CUBN: variants seen among roughly 807,000 people sequenced by gnomAD.
CUBN encodes 460 kDa receptor.
A neutral mutation model predicts 405.3 loss-of-function variants in CUBN; 282 were observed. The ratio of observed to expected loss-of-function variants is 0.70; its 90% CI spans 0.63 to 0.77. The LOEUF is 0.77. CUBN is among the 30% of genes least tolerant of loss of function. The probability of loss-of-function intolerance (pLI) is 0.00; values close to 1 mark genes in which losing one functional copy is unlikely to be tolerated. For synonymous variants in CUBN, 1,684 were observed against 1,617.0 expected (o/e 1.04, Z -0.99); for missense variants, 4,514 against 4,475.2 (o/e 1.01, Z -0.25).
intron 31 of CUBN, among the ~76,000 whole-genome samples, chr10:16,969,328 T>C (rs1276135493): frequency 7.3e-5 from 11 of 151,604 alleles, no homozygotes; most frequent in Non-Finnish European, 1.6e-4. Context: ...GTGGGTTCTG[T>C]GAAAGAGGAT....
At chr10:16,985,427 C>G (rs1448368115) in intron 29 of CUBN, among the ~76,000 whole-genome samples, 1 of 152,194 alleles carries the variant, frequency 6.6e-6, no homozygotes, top group Non-Finnish European at 1.5e-5. Flanking sequence ...CCATCCATTC[C>G]AATGACAGCT....
intron 10 of CUBN, among the ~76,000 whole-genome samples, chr10:17,106,846 A>C (rs900102113): frequency 2.0e-5 from 3 of 152,216 alleles, no homozygotes; most frequent in African/African-American, 4.8e-5. Context: ...TGCCAGTTTT[A>C]AACAGGCTAA....
At chr10:16,877,279 C>T (rs1262280450) in intron 56 of CUBN, among the ~76,000 whole-genome samples, 182 bp from the exon 57 acceptor site, 1 of 152,176 alleles carries the variant, frequency 6.6e-6, no homozygotes, top group Non-Finnish European at 1.5e-5. Context: ...AAAACAAGCA[C>T]AGGTATGATA....
chr10:17,028,876 C>G (rs1163788775), intron 27 of CUBN, among the ~76,000 whole-genome samples: 11 of 152,146 alleles, frequency 7.2e-5, no homozygotes, highest in African/African-American at 2.4e-4. Context: ...ATATAGTTAA[C>G]TGAAACCCAC....
intron 55 of CUBN, 76 bp from the exon 56 acceptor site, chr10:16,888,642 T>TC: frequency 4.0e-6 from 5 of 1,261,828 alleles, no homozygotes; most frequent in Non-Finnish European, 4.6e-6. Flanking sequence ...GAAAGAGGCA[T>TC]TTTCCTAAAT....
intron 64 of CUBN, among the ~76,000 whole-genome samples, 183 bp downstream of exon 64, chr10:16,834,831 T>C (rs1839119771): frequency 6.6e-6 from 1 of 152,176 alleles, no homozygotes; most frequent in African/African-American, 2.4e-5. Context: ...GCCCTAAGGT[T>C]CCCAATTTCC....
At chr10:17,069,575 A>T (rs986334206) in intron 19 of CUBN, among the ~76,000 whole-genome samples, 28 of 152,022 alleles carry the variant, frequency 1.8e-4, no homozygotes, top group Admixed American at 3.3e-4. Flanking sequence ...ACAGGGTCTC[A>T]CTCTGTTACC....
chr10:17,081,366 C>T (rs1835962705), intron 17 of CUBN, among the ~76,000 whole-genome samples: 1 of 152,194 alleles, frequency 6.6e-6, no homozygotes, highest in Admixed American at 6.6e-5. Context: ...TTTCTTTTCT[C>T]TTCTCCACTC....
rs1371074647 is a variant in CUBN, at chr10:16,830,869, C to T, written c.10528+383G>A. ...CCAGCACTTTGGGAGGTTGGATCAC[C>T]TGAGTTCAGGAGTTTGAGACCAGCC... On this transcript the variant is annotated intron_variant, in intron 65 of 66. Coordinates refer to ENST00000377833, the MANE Select transcript of CUBN (RefSeq NM_001081.4). Among the ~76,000 whole-genome samples, 3 of 152,160 alleles carry T rather than the reference C, an allele frequency of 2.0e-5. No individual in the cohort carries two copies. In the East Asian group the frequency reaches 5.8e-4, roughly 29 times the overall value.
chr10:16,888,397 T>C lies in CUBN; in HGVS notation c.8905+20A>G. On this transcript the variant is annotated intron_variant, in intron 56 of 66. Coordinates refer to ENST00000377833, the MANE Select transcript of CUBN (RefSeq NM_001081.4). ...TTTGTTTGTCAATTAAACGTAATTTTTTTAAAAGAATAAACTTACCTTCTA... is the reference window on the plus strand; with the variant it reads ...TTTGTTTGTCAATTAAACGTAATTTCTTTAAAAGAATAAACTTACCTTCTA... The C allele has an allele frequency of 6.2e-7, 1 of 1,602,748 alleles. No individual in the cohort carries two copies. Among genetic ancestry groups the C allele is most frequent in the Non-Finnish European group, 8.5e-7 (1 of 1,170,434 alleles).
intron 15 of CUBN, among the ~76,000 whole-genome samples, chr10:17,087,143 T>C (rs1907366): frequency 0.87 from 132,044 of 152,006 alleles, 57,573 homozygotes; most frequent in Middle Eastern, 0.95. Context: ...TTGACTCTAT[T>C]CCTCTCTAAT....
At chr10:17,125,428 G>A (rs1313614146) in intron 4 of CUBN, among the ~76,000 whole-genome samples, 4 of 152,024 alleles carry the variant, frequency 2.6e-5, no homozygotes, top group Non-Finnish European at 5.9e-5. Flanking sequence ...CACACGTCTG[G>A]GGGTCTCTTT....
In CUBN at chr10:17,071,898, T is replaced by C. The variant is rs750619863; in HGVS notation, c.2375A>G (p.Asn792Ser). Residue 792 changes from asparagine (N) to serine (S), a missense_variant, in exon 18 of 67, where the codon AAT (asparagine) becomes AGT (serine). Physicochemically the swap from Asn to Ser is conservative, Grantham distance 46. Around this residue, in one of 5 missense-constraint regions of CUBN, gnomAD observed 1,448 missense variants for 1,388.0 expected, o/e 1.04. Transcript: ENST00000377833. Reference sequence around the variant, plus strand: ...TATTTTAAACCTGATCCAGACACTATTAGTAATGGATTTAATGTGAGAGAT... The same window carrying C: ...TATTTTAAACCTGATCCAGACACTACTAGTAATGGATTTAATGTGAGAGAT... Reference protein sequence around the residue: ...GTISHIKSITNSVWIRFKIDA... With the variant: ...GTISHIKSITSSVWIRFKIDA... The C allele has an allele frequency of 5.0e-6, 8 of 1,613,236 alleles. No homozygotes were observed. The highest frequency in any genetic ancestry group is 4.5e-5 in the East Asian group (2 of 44,828).
At position 17,088,190 on chromosome 10, in the gene CUBN, C is replaced by A; in HGVS notation, c.1921G>T (p.Asp641Tyr). 1 of 1,613,570 alleles carries A rather than the reference C, an allele frequency of 6.2e-7. No individual in the cohort carries two copies. Among genetic ancestry groups the A allele is most frequent in the South Asian group, 1.1e-5 (1 of 91,046 alleles). ...TCAAGGTAATCTTTGTTGCAGTCAT[C>A]ATGGTGCTCGAGGCTCAAGGTCCCA... is the stretch of plus-strand genomic sequence containing the variant. ...TFGTLSLEHH[D>Y]DCNKDYLEIR... Residue 641 changes from aspartate to tyrosine, a missense_variant, in exon 15 of 67, where the codon GAT becomes TAT. Transcript: ENST00000377833.
At chr10:17,012,205 A>G (rs1345386563) in intron 28 of CUBN, among the ~76,000 whole-genome samples, 1 of 152,226 alleles carries the variant, frequency 6.6e-6, no homozygotes, top group Non-Finnish European at 1.5e-5. Flanking sequence ...GAGGTTAAAA[A>G]TACAGGGCCC....
intron 43 of CUBN, among the ~76,000 whole-genome samples, chr10:16,922,162 C>T (rs1365768764): frequency 1.3e-5 from 2 of 152,064 alleles, no homozygotes; most frequent in African/African-American, 2.4e-5. Flanking sequence ...GCCACATCCC[C>T]GGGGCCTGAT....
chr10:16,880,307 C>G (rs1564400530), intron 56 of CUBN, among the ~76,000 whole-genome samples: 1 of 152,142 alleles, frequency 6.6e-6, no homozygotes, highest in Non-Finnish European at 1.5e-5. Flanking sequence ...TCCAGTCAAT[C>G]AATGGCAAGG....
At chr10:17,032,070 C>T (rs1362945403) in intron 27 of CUBN, among the ~76,000 whole-genome samples, 1 of 152,102 alleles carries the variant, frequency 6.6e-6, no homozygotes, top group Non-Finnish European at 1.5e-5. Context: ...GAAGATAGAC[C>T]TCGCCAGGGA....
chr10:17,022,901 T>C (rs1834535332), intron 27 of CUBN, among the ~76,000 whole-genome samples: 1 of 152,220 alleles, frequency 6.6e-6, no homozygotes, highest in South Asian at 2.1e-4. Context: ...ATCATAACCC[T>C]TATCCAACAA....
Sources: allele counts gnomAD v4.1 joint callset (sites outside exome capture counted in the v4.1 genomes callset), GRCh38; gene constraint gnomAD v4.1.1; regional missense constraint gnomAD v4.1.1; transcripts MANE v1.5; gene names NCBI Gene and HGNC (gene_info 2026-07-23, HGNC 2026-07-21).